The following CMSS1 variants were observed in gnomAD, a reference collection of about 807,000 sequenced individuals.
CMSS1 encodes the protein cms1 ribosomal small subunit homolog, also known as protein CMSS1.
CMSS1 carries 33 observed loss-of-function variants against 43.5 expected under a neutral mutation model. The ratio of observed to expected loss-of-function variants is 0.76; its 90% CI spans 0.57 to 1.01. CMSS1 has a LOEUF of 1.01. Ranked by LOEUF, CMSS1 falls within the 50% of genes least tolerant of loss-of-function variation. The probability of loss-of-function intolerance (pLI) is 0.00; values close to 1 mark genes in which losing one functional copy is unlikely to be tolerated. For missense variants in CMSS1, 313 were observed against 326.4 expected, an observed-to-expected ratio of 0.96 and a Z score of 0.32; for synonymous variants, 115 against 117.2, an observed-to-expected ratio of 0.98 and a Z score of 0.12.
intron 1 of CMSS1, chr3:99,929,814 C>T (rs779664067): frequency 6.0e-6 from 9 of 1,488,662 alleles, no homozygotes; most frequent in Non-Finnish European, 8.2e-6. Flanking sequence ...AGGGCTAGTG[C>T]TTGGCTGCCT....
chr3:100,012,247 G>A (rs1028733638), intron 1 of CMSS1, among the ~76,000 whole-genome samples: 9 of 152,126 alleles, frequency 5.9e-5, no homozygotes, highest in African/African-American at 2.2e-4. Context: ...ATACTAGAAA[G>A]AAGATTGGTA....
chr3:99,885,420 G>A (rs1293764278), intron 1 of CMSS1, among the ~76,000 whole-genome samples: 1 of 152,180 alleles, frequency 6.6e-6, no homozygotes, highest in Non-Finnish European at 1.5e-5. Flanking sequence ...ACTAGACTAT[G>A]CCCCTTAGAG....
chr3:99,899,989 A>G (rs1195240817), intron 1 of CMSS1, among the ~76,000 whole-genome samples: 2 of 152,230 alleles, frequency 1.3e-5, no homozygotes, highest in South Asian at 2.1e-4. Context: ...TTGAAATCGT[A>G]TAATTCTGAG....
intron 1 of CMSS1, among the ~76,000 whole-genome samples, chr3:100,091,798 G>T (rs1489677791): frequency 6.6e-6 from 1 of 152,142 alleles, no homozygotes; most frequent in Non-Finnish European, 1.5e-5. Context: ...CTTAAGACAG[G>T]ATTATTTGCT....
chr3:99,916,615 T>G (rs1706963180), intron 1 of CMSS1, among the ~76,000 whole-genome samples: 1 of 152,192 alleles, frequency 6.6e-6, no homozygotes, highest in African/African-American at 2.4e-5. Flanking sequence ...CTATGAGATC[T>G]CTATCATTTT....
intron 1 of CMSS1, among the ~76,000 whole-genome samples, chr3:99,847,509 T>C (rs1384238473): frequency 6.6e-6 from 1 of 152,162 alleles, no homozygotes; most frequent in Non-Finnish European, 1.5e-5. Context: ...CAAATGTACT[T>C]TCTCTGGCTT....
rs146835215 is a variant in CMSS1, at chr3:100,035,508, C to G, written c.65-111465C>G. ...GGCTGGTCTCGAACTCCTGATCCACCCGCCTCAGCCTCCCAAAGTGCTGCA... is the reference window on the plus strand; with the variant it reads ...GGCTGGTCTCGAACTCCTGATCCACGCGCCTCAGCCTCCCAAAGTGCTGCA... On this transcript the variant is annotated intron_variant, in intron 1 of 9. Transcript: ENST00000421999. Among the ~76,000 whole-genome samples, 1,072 of 152,206 alleles carry G rather than the reference C, an allele frequency of 7.0e-3. 7 individuals carry two copies. The highest frequency in any genetic ancestry group is 0.011 in the Non-Finnish European group (755 of 67,996).
At chr3:100,085,214 C>A (rs569026191) in intron 1 of CMSS1, among the ~76,000 whole-genome samples, 1 of 152,196 alleles carries the variant, frequency 6.6e-6, no homozygotes, top group South Asian at 2.1e-4. Flanking sequence ...GTACAACCAA[C>A]CTGAAGTTTG....
At chr3:100,080,372 A>G (rs1472326579) in intron 1 of CMSS1, among the ~76,000 whole-genome samples, 1 of 152,200 alleles carries the variant, frequency 6.6e-6, no homozygotes, top group Non-Finnish European at 1.5e-5. Flanking sequence ...TGAACAAACT[A>G]TCCCTTTACA....
intron 3 of CMSS1, among the ~76,000 whole-genome samples, chr3:100,161,226 G>A (rs1163832477): frequency 6.6e-6 from 1 of 152,192 alleles, no homozygotes; most frequent in Non-Finnish European, 1.5e-5. Context: ...TTACTTAACA[G>A]CAAGCTTTTA....
intron 1 of CMSS1, among the ~76,000 whole-genome samples, chr3:100,010,778 A>ATT (rs11371196): frequency 0.056 from 5,216 of 93,652 alleles, 245 homozygotes; most frequent in Non-Finnish European, 0.061. Context: ...CCACGCCCGG[A>ATT]TTTTTTTTTT....
At chr3:100,016,673 A>G (rs1710350694) in intron 1 of CMSS1, among the ~76,000 whole-genome samples, 1 of 152,232 alleles carries the variant, frequency 6.6e-6, no homozygotes, top group African/African-American at 2.4e-5. Context: ...TTCACATGTA[A>G]AGTCCATGCA....
At chr3:99,844,001 G>A (rs868335151) in intron 1 of CMSS1, among the ~76,000 whole-genome samples, 51 of 47,920 alleles carry the variant, frequency 1.1e-3, no homozygotes, top group Middle Eastern at 0.03. Context: ...CCAACCCCCC[G>A]CCCATGGAAA....
rs2067181374 is a variant in CMSS1 at position 100,181,014 on chromosome 3, G to A, written c.*2626G>A. ...AACCACATCTTGTGGCAACAAGAGA[G>A]CAAGAGAGTGAAGGGGGAAGTGCTA... is the stretch of plus-strand genomic sequence containing the variant. On this transcript the variant is annotated 3_prime_UTR_variant, in exon 10 of 10. Transcript: ENST00000421999. 1.3e-5 allele frequency: 2 copies of A among 152,252 alleles called. No homozygotes were observed. The highest frequency in any genetic ancestry group is 2.9e-5 in the Non-Finnish European group (2 of 68,078). The allele number at this position is 152,252 out of a possible 1,614,324, so 9.4% of individuals were successfully genotyped here.
At chr3:100,050,215 A>G (rs1280906301) in intron 1 of CMSS1, among the ~76,000 whole-genome samples, 1 of 152,102 alleles carries the variant, frequency 6.6e-6, no homozygotes, top group Non-Finnish European at 1.5e-5. Flanking sequence ...AAAAAGAAGA[A>G]TCCTTCTTAA....
At chr3:99,924,504 G>A (rs1304280201) in intron 1 of CMSS1, 3 of 1,301,346 alleles carry the variant, frequency 2.3e-6, no homozygotes, top group Non-Finnish European at 3.2e-6. Flanking sequence ...TAATTCGGCA[G>A]TGGGTTTTTT....
intron 1 of CMSS1, among the ~76,000 whole-genome samples, chr3:99,839,579 A>AGGT (rs1303637767): frequency 6.6e-6 from 1 of 152,192 alleles, no homozygotes; most frequent in African/African-American, 2.4e-5. Flanking sequence ...TTTAAAGCCA[A>AGGT]GGTGGTTGGT....
At chr3:100,132,935 A>C (rs1213113404) in intron 1 of CMSS1, among the ~76,000 whole-genome samples, 1 of 152,078 alleles carries the variant, frequency 6.6e-6, no homozygotes, top group Non-Finnish European at 1.5e-5. Context: ...GGTAATATTC[A>C]GTGTTTACTG....
intron 1 of CMSS1, among the ~76,000 whole-genome samples, chr3:99,932,102 CT>C: frequency 6.6e-6 from 1 of 152,200 alleles, no homozygotes; most frequent in East Asian, 1.9e-4. Context: ...TAATAATTTA[CT>C]GTATATTAGA....
Sources: gnomAD v4.1 joint callset for allele counts (sites outside exome capture counted in the v4.1 genomes callset) on GRCh38, gnomAD v4.1.1 for gene constraint, MANE v1.5 for transcripts, NCBI Gene and HGNC (gene_info 2026-07-23, HGNC 2026-07-21) for gene names.